The following MEOX2 variants were observed in gnomAD, a reference collection of about 807,000 sequenced individuals.
MEOX2 encodes mesenchyme homeobox 2.
MEOX2 carries 11 observed loss-of-function variants against 27.0 expected under a neutral mutation model. The ratio of observed to expected loss-of-function variants is 0.41; its 90% CI spans 0.26 to 0.68. The LOEUF (loss-of-function observed/expected upper bound fraction) is 0.68. MEOX2 is among the 30% of genes least tolerant of loss of function. The pLI, the probability that MEOX2 is intolerant of heterozygous loss-of-function variation, is 0.33. For synonymous variants in MEOX2, 189 were observed against 155.4 expected (o/e 1.22, Z -1.61); for missense variants, 436 against 385.4 (o/e 1.13, Z -1.10).
At chr7:15,677,901 T>G (rs1782226965) in intron 1 of MEOX2, among the ~76,000 whole-genome samples, 2 of 152,218 alleles carry the variant, frequency 1.3e-5, no homozygotes. Context: ...GTGTTGCCAC[T>G]TACTTATACT....
chr7:15,664,362 C>G (rs1781965550), intron 1 of MEOX2, among the ~76,000 whole-genome samples: 1 of 152,020 alleles, frequency 6.6e-6, no homozygotes, highest in African/African-American at 2.4e-5. Flanking sequence ...TTGTATTTCC[C>G]TATTAAATTG....
intron 1 of MEOX2, chr7:15,680,111 T>G (rs1181223904): frequency 6.6e-6 from 1 of 151,916 alleles, no homozygotes; most frequent in East Asian, 1.9e-4. Context: ...AAAAACCCAC[T>G]CATGACCCAT....
chr7:15,616,228 T>A (rs1037413728), intron 2 of MEOX2, among the ~76,000 whole-genome samples: 17 of 151,884 alleles, frequency 1.1e-4, no homozygotes, highest in African/African-American at 4.1e-4. Context: ...TATTTGATAC[T>A]GAAATTCTGT....
At chr7:15,681,826 T>C (rs895401827) in intron 1 of MEOX2, 3 of 151,710 alleles carry the variant, frequency 2.0e-5, no homozygotes, top group Non-Finnish European at 3.0e-5. Flanking sequence ...CCGGTGAAAG[T>C]TTGTGCAATA....
At chr7:15,666,782 ATAT>A (rs1782015343) in intron 1 of MEOX2, among the ~76,000 whole-genome samples, 27 of 37,334 alleles carry the variant, frequency 7.2e-4, no homozygotes, top group African/African-American at 1.9e-3. Flanking sequence ...AAAAAAAAAT[ATAT>A]ATATATATAT....
At chr7:15,635,306 C>A (rs1046309838) in intron 1 of MEOX2, among the ~76,000 whole-genome samples, 1 of 151,894 alleles carries the variant, frequency 6.6e-6, no homozygotes, top group African/African-American at 2.4e-5. Context: ...TACTGCATGG[C>A]CTTTTCACAA....
intron 1 of MEOX2, among the ~76,000 whole-genome samples, chr7:15,636,059 T>C (rs1694951403): frequency 6.6e-6 from 1 of 151,986 alleles, no homozygotes; most frequent in South Asian, 2.1e-4. Flanking sequence ...GGTACATAAA[T>C]GTAGGAAGAT....
chr7:15,676,129 C>T (rs1175144699), intron 1 of MEOX2: 3 of 152,152 alleles, frequency 2.0e-5, no homozygotes, highest in Non-Finnish European at 4.4e-5. Context: ...TGAGTCAACG[C>T]AGTCAACCAC....
intron 1 of MEOX2, among the ~76,000 whole-genome samples, chr7:15,659,486 C>T (rs545299010): frequency 7.9e-5 from 12 of 152,176 alleles, no homozygotes; most frequent in African/African-American, 2.6e-4. Flanking sequence ...GAGGGCCCGG[C>T]GCGGTGGCTC....
At chr7:15,648,505 G>A (rs1781684654) in intron 1 of MEOX2, among the ~76,000 whole-genome samples, 2 of 152,092 alleles carry the variant, frequency 1.3e-5, no homozygotes, top group Admixed American at 6.6e-5. Context: ...CTGGGATACA[G>A]AGGAAAGGAT....
intron 1 of MEOX2, among the ~76,000 whole-genome samples, chr7:15,682,142 T>C (rs1222473743): frequency 6.6e-6 from 1 of 151,830 alleles, no homozygotes; most frequent in Non-Finnish European, 1.5e-5. Flanking sequence ...AAGTTTTTTT[T>C]TGTACTCCAT....
At chr7:15,650,788 G>T (rs1781721891) in intron 1 of MEOX2, among the ~76,000 whole-genome samples, 1 of 152,024 alleles carries the variant, frequency 6.6e-6, no homozygotes, top group Non-Finnish European at 1.5e-5. Flanking sequence ...TGAAAGAGTT[G>T]CTATTAGCAT....
At chr7:15,653,908 C>T (rs1389054416) in intron 1 of MEOX2, among the ~76,000 whole-genome samples, 4 of 151,936 alleles carry the variant, frequency 2.6e-5, no homozygotes, top group Non-Finnish European at 5.9e-5. Context: ...AGTGTCTCTG[C>T]TTTTCATATA....
intron 1 of MEOX2, among the ~76,000 whole-genome samples, chr7:15,652,286 A>G (rs1781744026): frequency 6.6e-6 from 1 of 152,076 alleles, no homozygotes; most frequent in African/African-American, 2.4e-5. Context: ...AAAGTAGAAA[A>G]TGCATATGTA....
chr7:15,640,335 C>T (rs1179906203), intron 1 of MEOX2, among the ~76,000 whole-genome samples: 1 of 151,612 alleles, frequency 6.6e-6, no homozygotes, highest in Non-Finnish European at 1.5e-5. Context: ...AGATTGAGCA[C>T]TGTTGTTGTA....
intron 2 of MEOX2, among the ~76,000 whole-genome samples, chr7:15,613,456 C>CATCTTGTTTAGGAGGAAATCT (rs1781066439): frequency 6.6e-6 from 1 of 151,318 alleles, no homozygotes; most frequent in African/African-American, 2.4e-5. Context: ...ATATAATTGG[C>CATCTTGTTTAGGAGGAAATCT]ATTATTGCAT....
intron 1 of MEOX2, among the ~76,000 whole-genome samples, chr7:15,648,687 A>G (rs1268974482): frequency 6.6e-6 from 1 of 152,138 alleles, no homozygotes; most frequent in Non-Finnish European, 1.5e-5. Context: ...TACTGCCAGA[A>G]ATAGAAACCA....
rs1333925828 is a variant in MEOX2 at position 15,626,863 on chromosome 7, C to T, written c.573G>A (p.Arg191=). Residue 191 remains arginine (R), a synonymous_variant, in exon 2 of 3, where the codon AGG becomes AGA. Transcript: ENST00000262041. Reference sequence around the variant, plus strand: ...TGATTTGCTCTTTGGTAAATGCTGTCCTTTCTTTCCTGGGTTTGCTGTTGA... The same window carrying T: ...TGATTTGCTCTTTGGTAAATGCTGTTCTTTCTTTCCTGGGTTTGCTGTTGA... ...SEVNSKPRKE[R]TAFTKEQIRE... is the part of the protein sequence containing the mutation. 1.2e-6 allele frequency: 2 copies of T among 1,611,506 alleles called. No homozygotes were observed. The highest frequency in any genetic ancestry group is 2.2e-5 in the East Asian group (1 of 44,816).
At chr7:15,652,541 A>G (rs1781748355) in intron 1 of MEOX2, among the ~76,000 whole-genome samples, 1 of 152,120 alleles carries the variant, frequency 6.6e-6, no homozygotes, top group Non-Finnish European at 1.5e-5. Context: ...AATAGTAAAC[A>G]TATAAATAAA....
Sources: allele counts gnomAD v4.1 joint callset (sites outside exome capture counted in the v4.1 genomes callset), GRCh38; gene constraint gnomAD v4.1.1; transcripts MANE v1.5; gene names NCBI Gene and HGNC (gene_info 2026-07-23, HGNC 2026-07-21).